NDE1: variants seen among roughly 807,000 people sequenced by gnomAD.
NDE1 encodes nudE neurodevelopment protein 1.
Under a neutral mutation model 43.4 loss-of-function variants are expected in NDE1, and 28 were observed. The ratio of observed to expected loss-of-function variants is 0.65; its 90% CI spans 0.48 to 0.89. The LOEUF (loss-of-function observed/expected upper bound fraction) is 0.89, where lower values mean the gene tolerates loss of function less well. Ranked by LOEUF, NDE1 falls within the 40% of genes least tolerant of loss-of-function variation. The pLI, the probability that NDE1 is intolerant of heterozygous loss-of-function variation, is 0.00. For missense variants in NDE1, 441 were observed against 434.1 expected, an observed-to-expected ratio of 1.02 and a Z score of -0.14; for synonymous variants, 184 against 172.0, an observed-to-expected ratio of 1.07 and a Z score of -0.55.
At chr16:15,656,817 A>ACTTTG (rs1331823300) in intron 1 of NDE1, among the ~76,000 whole-genome samples, 4 of 152,146 alleles carry the variant, frequency 2.6e-5, no homozygotes, top group Non-Finnish European at 2.9e-5. Context: ...TCAGGATTAC[A>ACTTTG]GGCATGAGCC....
chr16:15,695,427 GA>G, intron 7 of NDE1: 3 of 905,090 alleles, frequency 3.3e-6, no homozygotes, highest in Non-Finnish European at 3.9e-6. Flanking sequence ...AAAATTGTTT[GA>G]ATCCGGGAGG....
chr16:15,661,419 A>G (rs1052364015), intron 1 of NDE1, among the ~76,000 whole-genome samples: 3 of 151,790 alleles, frequency 2.0e-5, no homozygotes, highest in Non-Finnish European at 2.9e-5. Context: ...AAGTGCTGGG[A>G]TTACAGGTGT....
intron 1 of NDE1, among the ~76,000 whole-genome samples, chr16:15,644,868 A>G (rs2036284817): frequency 1.3e-5 from 2 of 151,962 alleles, no homozygotes; most frequent in African/African-American, 4.8e-5. Context: ...TTTTTAAAAA[A>G]TAGTTTTTAG....
intron 8 of NDE1, chr16:15,719,131 A>G (rs2040328581): frequency 1.5e-6 from 2 of 1,376,332 alleles, no homozygotes; most frequent in Admixed American, 1.8e-5. Context: ...CTGTCTCGAA[A>G]AAATTTAAAA....
intron 5 of NDE1, among the ~76,000 whole-genome samples, chr16:15,689,584 T>TA (rs1346725667): frequency 6.6e-6 from 1 of 152,180 alleles, no homozygotes. Context: ...TAATGCTTAA[T>TA]AAAAAATTTT....
chr16:15,721,283 C>T, intron 8 of NDE1: 2 of 1,088,498 alleles, frequency 1.8e-6, no homozygotes, highest in Admixed American at 3.9e-5. Flanking sequence ...AGCCCCTGCA[C>T]CAGTCCAAAA....
rs555304619 is a variant in NDE1, at chr16:15,643,623, T to A, written c.-470T>A. The A allele has an allele frequency of 4.5e-4, 120 of 265,854 alleles. 1 individual carries two copies. Among genetic ancestry groups the A allele is most frequent in the South Asian group, 3.8e-3 (119 of 31,396 alleles). 16.5% of individuals were successfully genotyped at this position (265,854 alleles called of 1,614,324 possible). A position where few individuals can be genotyped will look rare whatever the true frequency, so the allele number is the denominator to read the frequency against. On this transcript the variant is annotated 5_prime_UTR_variant, in exon 1 of 10. Coordinates refer to the NDE1 transcript ENST00000396355. The stretch of plus-strand genomic sequence containing the variant: ...TCACGTGATGGTCCTACTTTATTTT[T>A]AAAAATTAAATGGCGCATATTCCCC...
intron 8 of NDE1, among the ~76,000 whole-genome samples, chr16:15,712,122 C>T (rs1267361270): frequency 6.6e-6 from 1 of 152,188 alleles, no homozygotes; most frequent in Non-Finnish European, 1.5e-5. Flanking sequence ...ATCATTTTAG[C>T]TGCTGAGCTG....
intron 8 of NDE1, among the ~76,000 whole-genome samples, chr16:15,709,844 G>A (rs1470182078): frequency 2.0e-5 from 3 of 152,200 alleles, no homozygotes; most frequent in African/African-American, 7.2e-5. Flanking sequence ...CCTCTAGCAA[G>A]AGAGGAGAGG....
intron 4 of NDE1, among the ~76,000 whole-genome samples, chr16:15,679,501 C>G (rs1043150355): frequency 6.6e-6 from 1 of 152,172 alleles, no homozygotes; most frequent in Non-Finnish European, 1.5e-5. Context: ...TCTTCTCTCT[C>G]CAATCTGCCA....
At chr16:15,656,625 C>T (rs777689781) in intron 1 of NDE1, among the ~76,000 whole-genome samples, 71 of 152,200 alleles carry the variant, frequency 4.7e-4, no homozygotes, top group Non-Finnish European at 6.8e-4. Context: ...ACTGGAACCT[C>T]CACCTCCCGG....
intron 8 of NDE1, 140 bp from the exon 9 acceptor site, chr16:15,724,051 G>T: frequency 3.9e-6 from 6 of 1,545,106 alleles, no homozygotes; most frequent in African/African-American, 1.4e-5. Context: ...GCTCCCCACA[G>T]AGTGGAGAGG....
At chr16:15,678,662 T>C (rs1342281086) in intron 4 of NDE1, among the ~76,000 whole-genome samples, 2 of 152,144 alleles carry the variant, frequency 1.3e-5, no homozygotes, top group Non-Finnish European at 2.9e-5. Context: ...AAACTGATGT[T>C]CTGTGGTTTA....
intron 8 of NDE1, chr16:15,703,588 GGGTGGTGGT>G (rs1223573737): frequency 1.4e-5 from 5 of 370,044 alleles, no homozygotes; most frequent in African/African-American, 8.1e-5. Context: ...GGGGTAGTAG[GGGTGGTGGT>G]GGTGGTGGTG....
chr16:15,654,621 A>C (rs374813866), intron 1 of NDE1, among the ~76,000 whole-genome samples: 142 of 150,078 alleles, frequency 9.5e-4, no homozygotes, highest in African/African-American at 2.4e-3. Context: ...AAAAAACAAA[A>C]AAAAAAAAAA....
chr16:15,709,489 A>AT (rs2039659734), intron 8 of NDE1, among the ~76,000 whole-genome samples: 2 of 151,918 alleles, frequency 1.3e-5, no homozygotes, highest in Admixed American at 6.6e-5. Flanking sequence ...TAATTTTCAT[A>AT]TTTTTAGTAG....
intron 6 of NDE1, among the ~76,000 whole-genome samples, chr16:15,692,891 C>A (rs1002176696): frequency 6.6e-6 from 1 of 151,814 alleles, no homozygotes; most frequent in African/African-American, 2.4e-5. Flanking sequence ...CATGCAACTC[C>A]ATGCCTGGCT....
chr16:15,696,785 C>T lies in NDE1; in HGVS notation c.872C>T (p.Ser291Phe), dbSNP rs146284370. ...CCAAACCGAACAGGTGGCCCAGCCT[C>T]TGGGCGGAGCAGCAAGAACAGAGAT... ...QSPNRTGGPA[S>F]GRSSKNRDGG... Residue 291 changes from serine (S) to phenylalanine (F), a missense_variant, in exon 8 of 9, where the codon TCT becomes TTT. Physicochemically the swap from Ser to Phe is radical, Grantham distance 155 (BLOSUM62 -2). Transcript: ENST00000396354. 832 of 1,614,226 alleles carry T rather than the reference C, an allele frequency of 5.2e-4. 1 individual carries two copies. Among genetic ancestry groups the T allele is most frequent in the Middle Eastern group, 3.5e-3 (21 of 6,062 alleles).
chr16:15,702,598 G>T (rs927189526), intron 8 of NDE1, among the ~76,000 whole-genome samples: 4 of 150,192 alleles, frequency 2.7e-5, no homozygotes, highest in African/African-American at 7.3e-5. Flanking sequence ...TTATAGAGAC[G>T]GGGGTCTCTC....
Sources: gnomAD v4.1 joint callset for allele counts (sites outside exome capture counted in the v4.1 genomes callset) on GRCh38, gnomAD v4.1.1 for gene constraint, MANE v1.5 for transcripts, NCBI Gene and HGNC (gene_info 2026-07-23, HGNC 2026-07-21) for gene names.